The following NUP58 variants were observed in gnomAD, a reference collection of about 807,000 sequenced individuals.
NUP58 encodes the protein nucleoporin 58, also known as nucleoporin p58/p45.
In NUP58, 17 loss-of-function variants were observed where a neutral mutation model predicts 70.1. The observed-to-expected ratio is 0.24, with a 90% CI of 0.17 to 0.36. The LOEUF (loss-of-function observed/expected upper bound fraction) is 0.36, where lower values mean the gene tolerates loss of function less well. Ranked by LOEUF, NUP58 falls within the 10% of genes least tolerant of loss-of-function variation. The pLI, the probability that NUP58 is intolerant of heterozygous loss-of-function variation, is 1.00. For synonymous variants in NUP58, 275 were observed against 257.6 expected (o/e 1.07, Z -0.65); for missense variants, 644 against 701.5 (o/e 0.92, Z 0.93).
In NUP58 at chr13:25,340,386, TTGGTAATG is replaced by T; in HGVS notation, c.*253_*260del. 3.0e-6 allele frequency: 1 copy of T among 333,972 alleles called. No homozygotes were observed. The highest frequency in any genetic ancestry group is 6.3e-5 in the South Asian group (1 of 15,844). The allele number at this position is 333,972 out of a possible 1,614,324, so 20.7% of individuals were successfully genotyped here. ...AGAAATGTTCTGATTACATCACTGA[TTGGTAATG>T]GTTAGAAACCATTAACCTAAAACTT... On this transcript the variant is annotated 3_prime_UTR_variant, in exon 16 of 16. Coordinates refer to ENST00000381736, the MANE Select transcript of NUP58 (RefSeq NM_014089.4).
At position 25,313,009 on chromosome 13, in the gene NUP58, C is replaced by T; in HGVS notation, c.413C>T (p.Ser138Phe). The T allele has an allele frequency of 5.6e-6, 9 of 1,614,052 alleles. No homozygotes were observed. Among genetic ancestry groups the T allele is most frequent in the Non-Finnish European group, 7.6e-6 (9 of 1,179,988 alleles). Residue 138 changes from serine (S) to phenylalanine (F), a missense_variant, in exon 4 of 16, where the codon TCT becomes TTT. This residue lies in a region of NUP58 where 430 missense variants were observed against 409.2 expected (regional missense o/e 1.05). Transcript: ENST00000381736. ...TCAGCTAGCGGTCTGACTCTTTCGTCTGCTCTGACATCAACTCCAGCAGGT... is the reference window on the plus strand; with the variant it reads ...TCAGCTAGCGGTCTGACTCTTTCGTTTGCTCTGACATCAACTCCAGCAGGT... ...STSASGLTLS[S>F]ALTSTPAAST...
chr13:25,327,729 CT>C lies in NUP58; in HGVS notation c.1233+225del, dbSNP rs574748574. 4.9e-4 allele frequency among the ~76,000 whole-genome samples: 75 copies of C among 152,130 alleles called. No individual in the cohort carries two copies. The East Asian group carries it at 6.2e-3, about 13-fold the overall frequency. On this transcript the variant is annotated intron_variant, in intron 12 of 15. Transcript: ENST00000381736. ...AGTACGCTGTAGTCTGTTATTATAA[CT>C]TTTTTTTAAGCAGTGCATTGTGAAT...
chr13:25,336,961 T>C lies in NUP58; in HGVS notation c.1461T>C (p.Ser487=), dbSNP rs2031808051. ...ATGPQPSLGV[S]FGTPFGSGIG... ...GGCCACAGCCATCTCTGGGAGTTAG[T>C]TTTGGAACGCCATTCGGCTCAGGTA... The change falls in exon 14 of 16, where the codon AGT becomes AGC. Residue 487 remains serine, a synonymous_variant. Coordinates refer to ENST00000381736, the MANE Select transcript of NUP58 (RefSeq NM_014089.4). 6.2e-7 allele frequency: 1 copy of C among 1,606,222 alleles called. No homozygotes were observed. Among genetic ancestry groups the C allele is most frequent in the Non-Finnish European group, 8.5e-7 (1 of 1,177,262 alleles).
At chr13:25,326,548 T>C (rs758161968) in intron 10 of NUP58, among the ~76,000 whole-genome samples, 9 of 152,198 alleles carry the variant, frequency 5.9e-5, no homozygotes, top group Non-Finnish European at 1.3e-4. Context: ...ACTTCCAAAA[T>C]AGTAGTACAG....
intron 10 of NUP58, 57 bp downstream of exon 10, chr13:25,325,125 A>G: frequency 8.3e-7 from 1 of 1,202,596 alleles, no homozygotes; most frequent in Non-Finnish European, 1.2e-6. Flanking sequence ...GCAGAACAGT[A>G]ATAATAGTAT....
At chr13:25,318,388 A>G (rs749410087) in intron 6 of NUP58, among the ~76,000 whole-genome samples, 1 of 152,026 alleles carries the variant, frequency 6.6e-6, no homozygotes. Flanking sequence ...CTGGTCTCCA[A>G]TTCCTGGGTT....
intron 5 of NUP58, among the ~76,000 whole-genome samples, chr13:25,314,822 T>C (rs1277651062): frequency 6.6e-6 from 1 of 152,230 alleles, no homozygotes; most frequent in Admixed American, 6.5e-5. Context: ...TTTTTATTCC[T>C]TTTGTCAGTG....
intron 10 of NUP58, among the ~76,000 whole-genome samples, chr13:25,326,574 C>T (rs991455562): frequency 2.0e-5 from 3 of 152,052 alleles, no homozygotes; most frequent in African/African-American, 7.2e-5. Context: ...TTATTTATAT[C>T]GCTTCCCTTG....
chr13:25,320,181 CAG>C (rs1456568024), intron 7 of NUP58: 23 of 168,426 alleles, frequency 1.4e-4, no homozygotes, highest in South Asian at 1.7e-4. Context: ...AATTGTCAGT[CAG>C]AATCTTTAAG....
rs1051350465 is a variant in NUP58 at position 25,325,179 on chromosome 13, A to C, written c.1031+111A>C. ...GTATACTATGTGGAAAGGCTGAGCC[A>C]ATAAGCACTTTACATGGATTTTAAA... On this transcript the variant is annotated intron_variant, in intron 10 of 15. Coordinates refer to ENST00000381736, the MANE Select transcript of NUP58 (RefSeq NM_014089.4). The C allele has an allele frequency of 6.8e-6, 5 of 731,898 alleles. No individual in the cohort carries two copies. The Admixed American group carries it at 1.4e-4, about 20-fold the overall frequency. 45.3% of individuals were successfully genotyped at this position (731,898 alleles called of 1,614,324 possible). A position where few individuals can be genotyped will look rare whatever the true frequency, so the allele number is the denominator to read the frequency against.
At chr13:25,309,387 A>G (rs2030541621) in intron 3 of NUP58, 105 bp downstream of exon 3, 2 of 883,122 alleles carry the variant, frequency 2.3e-6, no homozygotes, top group South Asian at 1.7e-5. Flanking sequence ...ACAGAGCTGG[A>G]GTATAGAAAA....
At position 25,322,286 on chromosome 13, in the gene NUP58, A is replaced by G. The variant is rs117895002; in HGVS notation, c.951+1193A>G. ...GTGCTTTTGGGTCTTTAAGTCCACTATTGGAGAATATCTTGTAATCTTTTT... is the reference window on the plus strand; with the variant it reads ...GTGCTTTTGGGTCTTTAAGTCCACTGTTGGAGAATATCTTGTAATCTTTTT... On this transcript the variant is annotated intron_variant, in intron 9 of 15. Coordinates refer to ENST00000381736, the MANE Select transcript of NUP58 (RefSeq NM_014089.4). 1.8e-3 allele frequency among the ~76,000 whole-genome samples: 275 copies of G among 152,342 alleles called. 2 individuals carry two copies. Among genetic ancestry groups the G allele is most frequent in the Middle Eastern group, 6.8e-3 (2 of 294 alleles).
At chr13:25,309,849 G>A (rs2030562243) in intron 3 of NUP58, 2 of 197,370 alleles carry the variant, frequency 1.0e-5, no homozygotes, top group Admixed American at 1.2e-4. Flanking sequence ...TGAATTTTAA[G>A]TTAAAGGAAA....
rs955331784 is a variant in NUP58 at position 25,301,872 on chromosome 13, A to G, written c.99A>G (p.Gly33=). The G allele has an allele frequency of 6.2e-7, 1 of 1,611,318 alleles. No individual in the cohort carries two copies. Among genetic ancestry groups the G allele is most frequent in the Non-Finnish European group, 8.5e-7 (1 of 1,178,154 alleles). ...STGGVFSFGT[G]ASSNPSVGLN... is the part of the protein sequence containing the mutation. ...GCGGCGTTTTCTCCTTCGGAACGGG[A>G]GCGTCTAGGTAACCGCACTTTCTCG... The change falls in exon 1 of 16, where the codon GGA becomes GGG. Residue 33 remains glycine (G), a synonymous_variant. Transcript: ENST00000381736.
intron 13 of NUP58, chr13:25,336,343 A>G: frequency 9.6e-7 from 1 of 1,038,206 alleles, no homozygotes; most frequent in Admixed American, 2.1e-5. Context: ...AATAAAATAA[A>G]ACATTGTCTT....
downstream of NUP58, among the ~76,000 whole-genome samples, chr13:25,346,684 C>T (rs1414943712): frequency 6.7e-6 from 1 of 150,252 alleles, no homozygotes; most frequent in Non-Finnish European, 1.5e-5. Flanking sequence ...CGCACCATTG[C>T]ACTCCAGCCT....
intron 13 of NUP58, chr13:25,335,445 G>GT: frequency 2.0e-6 from 2 of 985,056 alleles, no homozygotes; most frequent in Non-Finnish European, 2.4e-6. Flanking sequence ...CTGGACATGT[G>GT]TTTTTTATGT....
At chr13:25,323,979 G>C (rs2031292229) in intron 9 of NUP58, among the ~76,000 whole-genome samples, 1 of 152,138 alleles carries the variant, frequency 6.6e-6, no homozygotes. Flanking sequence ...GTCCAGTGTA[G>C]AATACCTTTA....
In NUP58 at chr13:25,325,182, A is replaced by G; in HGVS notation, c.1031+114A>G. 1.5e-5 allele frequency: 11 copies of G among 718,738 alleles called. No individual in the cohort carries two copies. In the South Asian group the frequency reaches 2.0e-4, roughly 13 times the overall value. The allele number at this position is 718,738 out of a possible 1,614,324, so 44.5% of individuals were successfully genotyped here. A position where few individuals can be genotyped will look rare whatever the true frequency, so the allele number is the denominator to read the frequency against. On this transcript the variant is annotated intron_variant, in intron 10 of 15. Transcript: ENST00000381736. ...TACTATGTGGAAAGGCTGAGCCAATAAGCACTTTACATGGATTTTAAATTT... is the reference window on the plus strand; with the variant it reads ...TACTATGTGGAAAGGCTGAGCCAATGAGCACTTTACATGGATTTTAAATTT...
Sources: gnomAD v4.1 joint callset for allele counts (sites outside exome capture counted in the v4.1 genomes callset) on GRCh38, gnomAD v4.1.1 for gene constraint, gnomAD v4.1.1 regional missense constraint, MANE v1.5 for transcripts, NCBI Gene and HGNC (gene_info 2026-07-23, HGNC 2026-07-21) for gene names.